The following PARL variants were observed in gnomAD, a reference collection of about 807,000 sequenced individuals.
The protein encoded by PARL is presenilin associated rhomboid like.
PARL carries 44 observed loss-of-function variants against 51.6 expected under a neutral mutation model. The observed-to-expected ratio is 0.85, with a 90% CI of 0.67 to 1.10. PARL has a LOEUF of 1.10. Among genes scored for constraint, PARL ranks in the 50% least tolerant of loss-of-function variants. The pLI is 0.00. For synonymous variants in PARL, 172 were observed against 164.0 expected (o/e 1.05, Z -0.37); for missense variants, 441 against 469.5 (o/e 0.94, Z 0.56).
chr3:183,873,366 C>T (rs1051166180), intron 1 of PARL, among the ~76,000 whole-genome samples: 204 of 151,982 alleles, frequency 1.3e-3, no homozygotes, highest in African/African-American at 4.5e-3. Flanking sequence ...CTTAGCTGGG[C>T]GTGGTGGCGC....
intron 4 of PARL, among the ~76,000 whole-genome samples, chr3:183,860,366 C>A (rs1269314136): frequency 1.3e-5 from 2 of 152,190 alleles, no homozygotes; most frequent in African/African-American, 4.8e-5. Flanking sequence ...TTATTTCCTA[C>A]AAGAAAAGTC....
intron 1 of PARL, among the ~76,000 whole-genome samples, chr3:183,875,397 A>C (rs1672057174): frequency 7.3e-6 from 1 of 136,852 alleles, no homozygotes; most frequent in Non-Finnish European, 1.5e-5. Context: ...CCTGGGCGAC[A>C]GAGCAAGACT....
chr3:183,846,522 C>T (rs922474505), intron 4 of PARL: 1 of 984,572 alleles, frequency 1.0e-6, no homozygotes, highest in Admixed American at 6.2e-5. Flanking sequence ...GAAAGATAAC[C>T]AAAGACATTG....
At chr3:183,859,952 C>T (rs535693437) in intron 4 of PARL, among the ~76,000 whole-genome samples, 1 of 151,852 alleles carries the variant, frequency 6.6e-6, no homozygotes, top group South Asian at 2.1e-4. Flanking sequence ...TTCATGCTGC[C>T]ATTGTCTAGG....
At chr3:183,857,309 G>T (rs1731282306) in intron 4 of PARL, among the ~76,000 whole-genome samples, 1 of 152,132 alleles carries the variant, frequency 6.6e-6, no homozygotes, top group South Asian at 2.1e-4. Flanking sequence ...ATCAATCCAG[G>T]TGCTGGTTAC....
In PARL at chr3:183,834,886, C is replaced by CAAAAAAAA. The variant is rs60078452; in HGVS notation, c.829-1069_829-1062dup. ...TAAAACCCCGTCTCTACTAAAAATA[C>CAAAAAAAA]AAAAAAAAAAAAAAAAAAAAAAATT... On this transcript the variant is annotated intron_variant, in intron 7 of 9. Coordinates refer to ENST00000317096, the MANE Select transcript of PARL (RefSeq NM_018622.7). Among the ~76,000 whole-genome samples the CAAAAAAAA allele has an allele frequency of 5.6e-4, 61 of 108,622 alleles. 2 individuals are homozygous for CAAAAAAAA. The highest frequency in any genetic ancestry group is 2.1e-3 in the African/African-American group (54 of 25,796). 71.3% of individuals were successfully genotyped at this position (108,622 alleles called of 152,430 possible). A position where few individuals can be genotyped will look rare whatever the true frequency, so the allele number is the denominator to read the frequency against.
At chr3:183,831,017 C>T (rs1451933443) in intron 9 of PARL, among the ~76,000 whole-genome samples, 1 of 152,198 alleles carries the variant, frequency 6.6e-6, no homozygotes, top group African/African-American at 2.4e-5. Flanking sequence ...CGCTCTGTTG[C>T]CCAGGCTGGA....
intron 1 of PARL, among the ~76,000 whole-genome samples, chr3:183,876,634 A>G (rs1332041603): frequency 2.5e-5 from 3 of 117,926 alleles, no homozygotes; most frequent in African/African-American, 7.3e-5. Context: ...AAAAAAAAAA[A>G]AAAAGAAAAA....
At chr3:183,835,101 T>A (rs1360031544) in intron 7 of PARL, among the ~76,000 whole-genome samples, 1 of 149,050 alleles carries the variant, frequency 6.7e-6, no homozygotes, top group African/African-American at 2.5e-5. Context: ...TTTATGGGAG[T>A]CCTCTGTACT....
intron 1 of PARL, among the ~76,000 whole-genome samples, chr3:183,873,134 T>C (rs561769784): frequency 6.6e-6 from 1 of 152,266 alleles, no homozygotes; most frequent in Admixed American, 6.5e-5. Context: ...CGCAATTAAT[T>C]AATCAAAACA....
intron 9 of PARL, among the ~76,000 whole-genome samples, chr3:183,833,186 G>A (rs1040742134): frequency 2.6e-5 from 4 of 152,196 alleles, no homozygotes; most frequent in African/African-American, 7.2e-5. Flanking sequence ...GAAGATGTCA[G>A]CATAGACTGG....
chr3:183,880,181 A>G (rs902558096), intron 1 of PARL, among the ~76,000 whole-genome samples: 3 of 152,302 alleles, frequency 2.0e-5, no homozygotes, highest in South Asian at 4.1e-4. Context: ...ACTTACCTGA[A>G]TAAGTTGGAA....
intron 2 of PARL, 50 bp from the exon 3 acceptor site, chr3:183,866,815 C>G: frequency 7.9e-7 from 1 of 1,268,134 alleles, no homozygotes; most frequent in Non-Finnish European, 1.1e-6. Context: ...GGAAATAGAT[C>G]TATACATTAT....
At chr3:183,853,207 A>G (rs1730743248) in intron 4 of PARL, among the ~76,000 whole-genome samples, 1 of 152,248 alleles carries the variant, frequency 6.6e-6, no homozygotes, top group Non-Finnish European at 1.5e-5. Flanking sequence ...TAAATCACAG[A>G]ATGGAAGTAT....
At chr3:183,870,242 C>G (rs2108686703) in intron 1 of PARL, among the ~76,000 whole-genome samples, 1 of 147,336 alleles carries the variant, frequency 6.8e-6, no homozygotes. Context: ...CACACCACTG[C>G]ACTCCAGCAT....
intron 1 of PARL, among the ~76,000 whole-genome samples, chr3:183,878,640 G>C (rs558590090): frequency 6.6e-6 from 1 of 152,306 alleles, no homozygotes; most frequent in Non-Finnish European, 1.5e-5. Flanking sequence ...TGTGCCGCCA[G>C]AGTCAAGATC....
intron 2 of PARL, among the ~76,000 whole-genome samples, chr3:183,867,611 A>G (rs1224047025): frequency 1.3e-5 from 2 of 151,848 alleles, no homozygotes; most frequent in Non-Finnish European, 2.9e-5. Flanking sequence ...GAGGCAGGAG[A>G]ATGGTGTGAA....
Position 183,842,308 on chromosome 3 carries a change from G to A in PARL, c.747C>T (p.Tyr249=), listed in dbSNP as rs371085473. The part of the protein sequence containing the change: ...ILGQEQFMAV[Y]LSAGVISNFV... ...ATTAAAGCATATTACCTGCAGATAG[G>A]TACACTGCCATGAACTGCTCTTGAC... The change falls in exon 6 of 10, where the codon TAC becomes TAT. Residue 249 remains tyrosine, a synonymous_variant. Coordinates refer to ENST00000317096, the MANE Select transcript of PARL (RefSeq NM_018622.7). 158 of 1,612,266 alleles carry A rather than the reference G, an allele frequency of 9.8e-5. No homozygotes were observed. Among genetic ancestry groups the A allele is most frequent in the Non-Finnish European group, 1.3e-4 (158 of 1,179,756 alleles).
chr3:183,867,179 G>A (rs958529728), intron 2 of PARL, among the ~76,000 whole-genome samples: 3 of 152,050 alleles, frequency 2.0e-5, no homozygotes, highest in Non-Finnish European at 2.9e-5. Flanking sequence ...CTCCAGTGCT[G>A]GGATTACAGG....
Sources: allele counts gnomAD v4.1 joint callset (sites outside exome capture counted in the v4.1 genomes callset), GRCh38; gene constraint gnomAD v4.1.1; transcripts MANE v1.5; gene names NCBI Gene and HGNC (gene_info 2026-07-23, HGNC 2026-07-21).